GFPT1: variants seen among roughly 807,000 people sequenced by gnomAD.
The protein encoded by GFPT1 is glutamine--fructose-6-phosphate aminotransferase [isomerizing] 1.
A neutral mutation model predicts 92.0 loss-of-function variants in GFPT1; 40 were observed. The ratio of observed to expected loss-of-function variants is 0.43; its 90% CI spans 0.34 to 0.57. GFPT1 has a LOEUF of 0.57. GFPT1 is among the 20% of genes least tolerant of loss of function. The pLI is 0.02. For synonymous variants in GFPT1, 269 were observed against 280.6 expected, an observed-to-expected ratio of 0.96 and a Z score of 0.41; for missense variants, 448 against 869.1, an observed-to-expected ratio of 0.52 and a Z score of 6.09.
At position 69,329,337 on chromosome 2, in the gene GFPT1, C is replaced by T; in HGVS notation, c.1685G>A (p.Gly562Glu). The T allele has an allele frequency of 1.2e-6, 2 of 1,612,996 alleles. No individual in the cohort carries two copies. The highest frequency in any genetic ancestry group is 1.7e-6 in the Non-Finnish European group (2 of 1,178,998). Reference sequence around the variant, plus strand: ...ACAAGTAGCATAATGATAGCCTCGTCCCATTATCAGAACTGACTTCTGATG... The same window carrying T: ...ACAAGTAGCATAATGATAGCCTCGTTCCATTATCAGAACTGACTTCTGATG... ...LYHQKSVLIM[G>E]RGYHYATCLE... Residue 562 changes from glycine to glutamate, a missense_variant, in exon 17 of 20, where the codon GGA (glycine) becomes GAA (glutamate). Physicochemically the swap from Gly to Glu is moderately conservative, Grantham distance 98. This residue lies in a region of GFPT1 where 73 missense variants were observed against 103.5 expected (regional missense o/e 0.71). Transcript: ENST00000357308.
In GFPT1 at chr2:69,321,006, A is replaced by T. The variant is rs957992441; in HGVS notation, c.*5183T>A. On this transcript the variant is annotated 3_prime_UTR_variant, in exon 20 of 20. Transcript: ENST00000357308. ...GAAAAACGCAGCAGGTGCTATAACC[A>T]CTAGGGATAGACTCTAGCTTGCTGT... The T allele has an allele frequency of 6.6e-6, 1 of 152,206 alleles. No homozygotes were observed. Among genetic ancestry groups the T allele is most frequent in the Non-Finnish European group, 1.5e-5 (1 of 68,046 alleles). 9.4% of individuals were successfully genotyped at this position (152,206 alleles called of 1,614,324 possible).
chr2:69,327,994 G>A (rs970266478), intron 18 of GFPT1, among the ~76,000 whole-genome samples: 2 of 151,632 alleles, frequency 1.3e-5, no homozygotes, highest in Non-Finnish European at 2.9e-5. Flanking sequence ...AGCTACTTGG[G>A]AGGCTGAGGC....
intron 1 of GFPT1, 64 bp from the exon 2 acceptor site, chr2:69,374,177 G>A: frequency 1.2e-6 from 1 of 801,410 alleles, no homozygotes; most frequent in Non-Finnish European, 2.2e-6. Context: ...GCATAATTAT[G>A]TCAAGTATGT....
chr2:69,349,350 G>A (rs1372172689), intron 10 of GFPT1, among the ~76,000 whole-genome samples: 1 of 152,160 alleles, frequency 6.6e-6, no homozygotes. Flanking sequence ...TGTCAACTGT[G>A]TAATCTTACA....
intron 9 of GFPT1, among the ~76,000 whole-genome samples, chr2:69,352,936 C>T (rs1671247127): frequency 6.6e-6 from 1 of 151,872 alleles, no homozygotes; most frequent in African/African-American, 2.4e-5. Flanking sequence ...GTCCCAGCTA[C>T]TCTGGAGGCT....
Position 69,325,913 on chromosome 2 carries a change from A to T in GFPT1, c.*276T>A. The T allele has an allele frequency of 2.7e-6, 1 of 371,018 alleles. No homozygotes were observed. The allele number at this position is 371,018 out of a possible 1,614,324, so 23.0% of individuals were successfully genotyped here. A position where few individuals can be genotyped will look rare whatever the true frequency, so the allele number is the denominator to read the frequency against. On this transcript the variant is annotated 3_prime_UTR_variant, in exon 20 of 20. Transcript: ENST00000357308. ...GAAGTGGAGGGTCCAGAAATGCAAC[A>T]CCCAGCATTCTTTAAAGAAAATAAT...
chr2:69,360,328 CAAAAAAAA>C (rs576395697), intron 4 of GFPT1, among the ~76,000 whole-genome samples: 8 of 78,440 alleles, frequency 1.0e-4, no homozygotes, highest in South Asian at 3.8e-4. Flanking sequence ...GATTCTGTCT[CAAAAAAAA>C]AAAAAAAAAA....
chr2:69,360,353 C>T (rs1482469475), intron 4 of GFPT1, among the ~76,000 whole-genome samples: 3 of 147,822 alleles, frequency 2.0e-5, no homozygotes, highest in Non-Finnish European at 3.0e-5. Context: ...AAAAAAAAAT[C>T]CTACCAATCC....
chr2:69,370,094 C>CT lies in GFPT1; in HGVS notation c.129_130insA (p.Gly44ArgfsTer4), dbSNP rs1558773993. The stretch of plus-strand genomic sequence containing the variant: ...GCTTCCCAATCTTTATCATTGCCTC[C>CT]ATCAAATCCCACACCTAAACCATCA... On this transcript the variant is annotated frameshift_variant, in exon 3 of 20. Transcript: ENST00000357308. LOFTEE classifies it high-confidence loss of function. The CT allele has an allele frequency of 6.2e-7, 1 of 1,602,808 alleles. No homozygotes were observed. The highest frequency in any genetic ancestry group is 8.5e-7 in the Non-Finnish European group (1 of 1,169,796).
intron 13 of GFPT1, among the ~76,000 whole-genome samples, chr2:69,338,802 C>CTTTTTTT (rs58220809): frequency 4.6e-5 from 6 of 131,798 alleles, no homozygotes; most frequent in African/African-American, 1.2e-4. Context: ...GTATACATTC[C>CTTTTTTT]TTTTTTTTTT....
chr2:69,354,808 C>A (rs1041575914), intron 7 of GFPT1, among the ~76,000 whole-genome samples: 1 of 152,086 alleles, frequency 6.6e-6, no homozygotes, highest in African/African-American at 2.4e-5. Flanking sequence ...CTTGAGCCCA[C>A]GAGTTCAAGA....
intron 19 of GFPT1, among the ~76,000 whole-genome samples, chr2:69,326,692 G>A (rs1670540075): frequency 6.6e-6 from 1 of 152,210 alleles, no homozygotes; most frequent in South Asian, 2.1e-4. Flanking sequence ...ACTACCCAAG[G>A]TGAGTCACAA....
chr2:69,351,660 A>G (rs1375383910), intron 9 of GFPT1, among the ~76,000 whole-genome samples: 1 of 152,224 alleles, frequency 6.6e-6, no homozygotes, highest in Admixed American at 6.5e-5. Context: ...GTTTTCCACC[A>G]TCTGTGATTA....
At position 69,327,020 on chromosome 2, in the gene GFPT1, T is replaced by C; in HGVS notation, c.1949A>G (p.Lys650Arg). The C allele has an allele frequency of 6.2e-7, 1 of 1,614,140 alleles. No homozygotes were observed. The highest frequency in any genetic ancestry group is 8.5e-7 in the Non-Finnish European group (1 of 1,180,012). ...KEDTETIKNT[K>R]RTIKVPHSVD... Reference sequence around the variant, plus strand: ...TGAGTGGGGCACCTTGATCGTTCTTTTTGTGTTCTTAATGGTCTCAGTATC... The same window carrying C: ...TGAGTGGGGCACCTTGATCGTTCTTCTTGTGTTCTTAATGGTCTCAGTATC... Residue 650 changes from lysine to arginine, a missense_variant, in exon 19 of 20, where the codon AAA becomes AGA. Lys to Arg is a conservative substitution (Grantham distance 26, BLOSUM62 2). Transcript: ENST00000357308.
chr2:69,356,023 G>A (rs1461838863), intron 7 of GFPT1, among the ~76,000 whole-genome samples: 3 of 112,934 alleles, frequency 2.7e-5, no homozygotes, highest in Non-Finnish European at 4.9e-5. Context: ...ACAGAGTCTC[G>A]CTCTGTAGGC....
intron 12 of GFPT1, among the ~76,000 whole-genome samples, chr2:69,344,284 A>C (rs1671028209): frequency 6.6e-6 from 1 of 151,604 alleles, no homozygotes; most frequent in South Asian, 2.1e-4. Context: ...CAGTGAGATT[A>C]GCTGGCCACG....
intron 15 of GFPT1, among the ~76,000 whole-genome samples, chr2:69,335,430 C>T (rs1261394802): frequency 6.6e-6 from 1 of 152,132 alleles, no homozygotes; most frequent in Non-Finnish European, 1.5e-5. Context: ...CCCTTGGCAG[C>T]TCACAATTCC....
rs765856240 is a variant in GFPT1, at chr2:69,326,968, G to A, written c.2001C>T (p.Ser667=). Residue 667 remains serine, a synonymous_variant, in exon 19 of 20, where the codon AGC becomes AGT. Transcript: ENST00000357308. ...HSVDCLQGIL[S]VIPLQLLAFH... is the part of the protein sequence containing the mutation. ...AAGCCAGCAACTGTAAAGGGATCAC[G>A]CTGAGAATGCCCTGCAAGCAGTCCA... The A allele has an allele frequency of 5.6e-6, 9 of 1,614,182 alleles. No homozygotes were observed. The highest frequency in any genetic ancestry group is 1.1e-5 in the South Asian group (1 of 91,086).
At position 69,338,410 on chromosome 2, in the gene GFPT1, C is replaced by A. The variant is rs959160166; in HGVS notation, c.1324+35G>T. The A allele has an allele frequency of 2.5e-6, 4 of 1,571,386 alleles. No individual in the cohort carries two copies. The South Asian group carries it at 3.3e-5, about 13-fold the overall frequency. ...ATGCTAGAATTATTAGAAAGAATAACTTTCCTTCCTTTTAAGTCTTTAAAA... is the reference window on the plus strand; with the variant it reads ...ATGCTAGAATTATTAGAAAGAATAAATTTCCTTCCTTTTAAGTCTTTAAAA... On this transcript the variant is annotated intron_variant, in intron 14 of 19. Coordinates refer to ENST00000357308, the MANE Select transcript of GFPT1 (RefSeq NM_001244710.2).
Sources: gnomAD v4.1 joint callset for allele counts (sites outside exome capture counted in the v4.1 genomes callset) on GRCh38, gnomAD v4.1.1 for gene constraint, gnomAD v4.1.1 regional missense constraint, MANE v1.5 for transcripts, NCBI Gene and HGNC (gene_info 2026-07-23, HGNC 2026-07-21) for gene names.